GFM1: variants seen among roughly 807,000 people sequenced by gnomAD.
GFM1 encodes the protein elongation factor G, mitochondrial.
Under a neutral mutation model 96.2 loss-of-function variants are expected in GFM1, and 62 were observed. The observed-to-expected ratio is 0.64, with a 90% CI of 0.53 to 0.80. GFM1 has a LOEUF of 0.80. Ranked by LOEUF, GFM1 falls within the 30% of genes least tolerant of loss-of-function variation. GFM1 has a pLI of 0.00. For missense variants in GFM1, 852 were observed against 916.6 expected (o/e 0.93, Z 0.91); for synonymous variants, 282 against 312.9 (o/e 0.90, Z 1.04).
At chr3:158,653,512 G>A (rs766797056) in intron 7 of GFM1, 45 bp downstream of exon 7, 22 of 1,401,222 alleles carry the variant, frequency 1.6e-5, no homozygotes, top group South Asian at 1.2e-4. Context: ...AAATACTTTC[G>A]TATTTATGCA....
chr3:158,693,072 T>C lies in GFM1; in HGVS notation c.*1605T>C, dbSNP rs1372897747. 1 of 152,210 alleles carries C rather than the reference T, an allele frequency of 6.6e-6. No individual in the cohort carries two copies. The highest frequency in any genetic ancestry group is 1.5e-5 in the Non-Finnish European group (1 of 68,032). 9.4% of individuals were successfully genotyped at this position (152,210 alleles called of 1,614,324 possible). On this transcript the variant is annotated 3_prime_UTR_variant, in exon 18 of 18. Coordinates refer to ENST00000486715, the MANE Select transcript of GFM1 (RefSeq NM_024996.7). ...TACTATTATTATGTCCATTTTGTAA[T>C]AGAAGAAGCACAGATAAGGTAAATA...
chr3:158,654,205 C>CTTTTTTTTTT (rs551796824), intron 7 of GFM1, among the ~76,000 whole-genome samples: 40 of 85,986 alleles, frequency 4.7e-4, no homozygotes, highest in African/African-American at 1.2e-3. Context: ...CTCTAAAGAC[C>CTTTTTTTTTT]TTTTTTTTTT....
intron 14 of GFM1, among the ~76,000 whole-genome samples, chr3:158,684,116 C>T (rs1403129916): frequency 6.6e-6 from 1 of 152,018 alleles, no homozygotes; most frequent in Non-Finnish European, 1.5e-5. Flanking sequence ...AAACCAAATA[C>T]CACATGTTCT....
At chr3:158,666,656 T>C in intron 13 of GFM1, 3 of 1,613,468 alleles carry the variant, frequency 1.9e-6, no homozygotes, top group Non-Finnish European at 2.5e-6. Flanking sequence ...TTATTCCAGT[T>C]GTACTTCCTT....
chr3:158,681,240 TGTG>T (rs1444425844), intron 13 of GFM1, among the ~76,000 whole-genome samples: 1 of 152,194 alleles, frequency 6.6e-6, no homozygotes, highest in Non-Finnish European at 1.5e-5. Context: ...TCTTCCATCT[TGTG>T]GTCTTGAGGA....
At chr3:158,657,545 C>T (rs1212124642) in intron 8 of GFM1, 2 of 152,076 alleles carry the variant, frequency 1.3e-5, no homozygotes, top group Admixed American at 1.3e-4. Context: ...TTTGTATAGT[C>T]GAATATGTCA....
Position 158,646,279 on chromosome 3 carries a change from A to T in GFM1, c.349A>T (p.Asn117Tyr). 1 of 1,614,128 alleles carries T rather than the reference A, an allele frequency of 6.2e-7. No individual in the cohort carries two copies. ...CACCATGTGGAAAGATGTCAATATTAACATTATAGATACTCCTGGTGAGTT... is the reference window on the plus strand; with the variant it reads ...CACCATGTGGAAAGATGTCAATATTTACATTATAGATACTCCTGGTGAGTT... The part of the protein sequence containing the change: ...TYTMWKDVNI[N>Y]IIDTPGHVDF... Residue 117 changes from asparagine (N) to tyrosine (Y), a missense_variant, in exon 3 of 18, where the codon AAC becomes TAC. Transcript: ENST00000486715.
intron 5 of GFM1, chr3:158,651,020 C>CAAAAAA (rs772054819): frequency 1.4e-4 from 7 of 49,406 alleles, no homozygotes; most frequent in Middle Eastern, 0.013. Flanking sequence ...GACTCCGTCT[C>CAAAAAA]AAAAAAAAAA....
intron 1 of GFM1, among the ~76,000 whole-genome samples, 159 bp from the exon 2 acceptor site, chr3:158,645,470 A>G (rs1457980141): frequency 1.3e-5 from 2 of 152,198 alleles, no homozygotes; most frequent in Non-Finnish European, 1.5e-5. Flanking sequence ...CTCTGATTAC[A>G]AGAGTTCCAG....
chr3:158,658,291 C>T (rs942745955), intron 8 of GFM1, among the ~76,000 whole-genome samples: 3 of 151,062 alleles, frequency 2.0e-5, no homozygotes, highest in Non-Finnish European at 4.4e-5. Context: ...CTCAGCTTCC[C>T]GAGTAGCTGG....
intron 2 of GFM1, 82 bp downstream of exon 2, chr3:158,645,863 C>A: frequency 1.6e-6 from 2 of 1,281,632 alleles, no homozygotes; most frequent in Non-Finnish European, 2.3e-6. Flanking sequence ...AGCTTATAAA[C>A]CTGAAAGATT....
rs187888419 is a variant in GFM1, at chr3:158,685,710, G to A, written c.1909+1042G>A. ...TCAGCTCTCTATTAAAAATGCAGTT[G>A]AAATTTATGATGTAGAAATCTTGTC... is the stretch of plus-strand genomic sequence containing the variant. On this transcript the variant is annotated intron_variant, in intron 15 of 17. Transcript: ENST00000486715. Among the ~76,000 whole-genome samples, 750 of 152,196 alleles carry A rather than the reference G, an allele frequency of 4.9e-3. 6 individuals carry two copies. The highest frequency in any genetic ancestry group is 7.2e-3 in the Non-Finnish European group (489 of 67,990).
chr3:158,690,437 C>A, intron 16 of GFM1, 114 bp downstream of exon 16: 2 of 989,466 alleles, frequency 2.0e-6, no homozygotes, highest in South Asian at 1.3e-5. Flanking sequence ...TGGCTTTATA[C>A]ATGTGGCATT....
chr3:158,686,732 T>TTTG (rs1310819329), intron 15 of GFM1, among the ~76,000 whole-genome samples: 6 of 139,684 alleles, frequency 4.3e-5, no homozygotes, highest in Non-Finnish European at 9.2e-5. Flanking sequence ...TTTTTTTTTT[T>TTTG]TTTTTTTTTT....
At chr3:158,682,364 G>A in intron 14 of GFM1, 1 of 536,172 alleles carries the variant, frequency 1.9e-6, no homozygotes, top group Non-Finnish European at 3.3e-6. Flanking sequence ...GACAATGATG[G>A]GAAATTATTA....
In GFM1 at chr3:158,691,751, G is replaced by A. The variant is rs1231552331; in HGVS notation, c.*284G>A. The A allele has an allele frequency of 3.5e-6, 1 of 282,688 alleles. No individual in the cohort carries two copies. The highest frequency in any genetic ancestry group is 2.3e-5 in the African/African-American group (1 of 44,366). 17.5% of individuals were successfully genotyped at this position (282,688 alleles called of 1,614,324 possible). On this transcript the variant is annotated 3_prime_UTR_variant, in exon 18 of 18. Coordinates refer to ENST00000486715, the MANE Select transcript of GFM1 (RefSeq NM_024996.7). ...CTGAAATATGTTTAATATTTAAGGGGAAAAGAGACTAATTTCAGTTATACT... is the reference window on the plus strand; with the variant it reads ...CTGAAATATGTTTAATATTTAAGGGAAAAAGAGACTAATTTCAGTTATACT...
chr3:158,663,869 GTAAGT>G (rs1266124066), intron 11 of GFM1, among the ~76,000 whole-genome samples: 1 of 152,160 alleles, frequency 6.6e-6, no homozygotes, highest in African/African-American at 2.4e-5. Context: ...GCTTGCTGGA[GTAAGT>G]TAATTTAAAT....
chr3:158,691,118 A>G, intron 16 of GFM1, 21 bp from the exon 17 acceptor site: 1 of 1,566,012 alleles, frequency 6.4e-7, no homozygotes. Flanking sequence ...GTGCTAAAAT[A>G]TCTACTATGT....
intron 13 of GFM1, among the ~76,000 whole-genome samples, chr3:158,673,508 CTTTTTTTTTTT>C (rs766011688): frequency 8.8e-6 from 1 of 114,264 alleles, no homozygotes; most frequent in Non-Finnish European, 1.8e-5. Flanking sequence ...CTTTTCTTTT[CTTTTTTTTTTT>C]TTTTTTTTTG....
Sources: gnomAD v4.1 joint callset for allele counts (sites outside exome capture counted in the v4.1 genomes callset) on GRCh38, gnomAD v4.1.1 for gene constraint, MANE v1.5 for transcripts, NCBI Gene and HGNC (gene_info 2026-07-23, HGNC 2026-07-21) for gene names.